The following CTNNA2 variants were observed in gnomAD, a reference collection of about 807,000 sequenced individuals.
CTNNA2 encodes catenin alpha 2, also known as catenin alpha-2.
In CTNNA2, 42 loss-of-function variants were observed where a neutral mutation model predicts 101.0. That is an observed-to-expected ratio of 0.42 (90% CI 0.32 to 0.54). The LOEUF (loss-of-function observed/expected upper bound fraction) is 0.54, where lower values mean the gene tolerates loss of function less well. CTNNA2 is among the 20% of genes least tolerant of loss of function. The probability of loss-of-function intolerance (pLI) is 0.14; values close to 1 mark genes in which losing one functional copy is unlikely to be tolerated. For synonymous variants in CTNNA2, 450 were observed against 456.4 expected (o/e 0.99, Z 0.18); for missense variants, 871 against 1,223.1 (o/e 0.71, Z 4.29).
intron 2 of CTNNA2, among the ~76,000 whole-genome samples, chr2:79,275,191 T>G (rs1225389422): frequency 2.0e-5 from 3 of 152,034 alleles, no homozygotes; most frequent in Admixed American, 6.6e-5. Flanking sequence ...GCTTAGTATT[T>G]CAAGCTGTGT....
At position 80,332,629 on chromosome 2, in the gene CTNNA2, C is replaced by T. The variant is rs569554198; in HGVS notation, c.1057-60582C>T. ...AAGGAAGGCCCCAGAAGAAGGTTGA[C>T]GAAAGAGAAAACATTTAAGAAATCA... On this transcript the variant is annotated intron_variant, in intron 7 of 18. Transcript: ENST00000402739. 1.6e-4 allele frequency among the ~76,000 whole-genome samples: 25 copies of T among 152,200 alleles called. No individual in the cohort carries two copies. In the East Asian group the frequency reaches 3.9e-3, roughly 24 times the overall value.
At chr2:79,416,577 T>C (rs1306321700) in intron 4 of CTNNA2, among the ~76,000 whole-genome samples, 1 of 152,100 alleles carries the variant, frequency 6.6e-6, no homozygotes, top group Non-Finnish European at 1.5e-5. Flanking sequence ...ATTTCAATCA[T>C]TGTATACTCA....
intron 3 of CTNNA2, among the ~76,000 whole-genome samples, chr2:79,826,921 C>T (rs563577924): frequency 7.2e-5 from 11 of 152,322 alleles, no homozygotes; most frequent in South Asian, 2.1e-4. Flanking sequence ...AAACTGGCTT[C>T]GGAGACACTG....
intron 7 of CTNNA2, among the ~76,000 whole-genome samples, chr2:80,046,467 C>T (rs1428095091): frequency 1.3e-5 from 2 of 152,154 alleles, no homozygotes; most frequent in Non-Finnish European, 2.9e-5. Flanking sequence ...CCCCAAATAG[C>T]TCTCTTCCTC....
chr2:79,974,543 A>G (rs1364810586), intron 7 of CTNNA2, among the ~76,000 whole-genome samples: 2 of 152,200 alleles, frequency 1.3e-5, no homozygotes, highest in Non-Finnish European at 2.9e-5. Flanking sequence ...TCAGTCTTCA[A>G]CATCATCCCT....
At chr2:79,394,183 T>C (rs1193225248) in intron 4 of CTNNA2, among the ~76,000 whole-genome samples, 1 of 152,072 alleles carries the variant, frequency 6.6e-6, no homozygotes, top group Non-Finnish European at 1.5e-5. Context: ...TTTGTTTTTA[T>C]TTGTTTGTTT....
intron 7 of CTNNA2, among the ~76,000 whole-genome samples, chr2:80,116,782 A>G (rs1701547596): frequency 1.3e-5 from 2 of 152,172 alleles, no homozygotes; most frequent in South Asian, 4.1e-4. Flanking sequence ...TGATCAGCCC[A>G]TCAGATAAGT....
intron 2 of CTNNA2, among the ~76,000 whole-genome samples, chr2:79,695,425 A>G (rs1037386791): frequency 3.9e-5 from 6 of 152,030 alleles, no homozygotes; most frequent in Non-Finnish European, 7.4e-5. Context: ...CAAAAGGAAC[A>G]GGAATTTATG....
chr2:79,268,646 G>T (rs371983281), intron 2 of CTNNA2, among the ~76,000 whole-genome samples: 1 of 152,100 alleles, frequency 6.6e-6, no homozygotes, highest in South Asian at 2.1e-4. Flanking sequence ...CTCAACCTGT[G>T]GGATCTGATG....
At chr2:79,978,821 A>G (rs1691051319) in intron 7 of CTNNA2, among the ~76,000 whole-genome samples, 1 of 152,204 alleles carries the variant, frequency 6.6e-6, no homozygotes, top group South Asian at 2.1e-4. Flanking sequence ...CATTAACAAT[A>G]AGAGCTAACA....
At chr2:79,506,820 AT>A (rs1671423145) in intron 5 of CTNNA2, among the ~76,000 whole-genome samples, 1 of 152,148 alleles carries the variant, frequency 6.6e-6, no homozygotes, top group Non-Finnish European at 1.5e-5. Flanking sequence ...AAATATTTTG[AT>A]TGCCAGGCAC....
At chr2:79,938,797 A>G (rs1687955973) in intron 7 of CTNNA2, among the ~76,000 whole-genome samples, 1 of 152,214 alleles carries the variant, frequency 6.6e-6, no homozygotes, top group Non-Finnish European at 1.5e-5. Flanking sequence ...TTCATTGCCA[A>G]ATAGTACTCA....
At chr2:80,582,537 T>C (rs772421558) in intron 14 of CTNNA2, among the ~76,000 whole-genome samples, 43 of 152,118 alleles carry the variant, frequency 2.8e-4, no homozygotes, top group Non-Finnish European at 4.9e-4. Context: ...CTAAAGAGCA[T>C]CCTAAATTTG....
intron 7 of CTNNA2, among the ~76,000 whole-genome samples, chr2:80,391,517 A>G (rs1343993930): frequency 6.6e-6 from 1 of 152,246 alleles, no homozygotes; most frequent in African/African-American, 2.4e-5. Flanking sequence ...CTAATAAATG[A>G]ATAGGCCACA....
intron 4 of CTNNA2, among the ~76,000 whole-genome samples, chr2:79,474,055 C>G (rs1671027689): frequency 6.6e-6 from 1 of 152,050 alleles, no homozygotes; most frequent in South Asian, 2.1e-4. Context: ...CTAGTGACTA[C>G]TTTTTTAGAC....
At chr2:80,178,760 G>C (rs1011595514) in intron 7 of CTNNA2, among the ~76,000 whole-genome samples, 2 of 152,154 alleles carry the variant, frequency 1.3e-5, no homozygotes, top group African/African-American at 2.4e-5. Flanking sequence ...TGTAGGAGGG[G>C]CCAAATGCAG....
At chr2:79,597,801 A>G (rs945037899) in intron 1 of CTNNA2, among the ~76,000 whole-genome samples, 8 of 152,148 alleles carry the variant, frequency 5.3e-5, no homozygotes, top group Non-Finnish European at 1.0e-4. Context: ...CATCCAAGAT[A>G]CATAGTTTAC....
At chr2:79,730,168 G>T (rs989751814) in intron 2 of CTNNA2, among the ~76,000 whole-genome samples, 1 of 152,002 alleles carries the variant, frequency 6.6e-6, no homozygotes, top group African/African-American at 2.4e-5. Flanking sequence ...ATGACTTCTG[G>T]CAGGCAAATT....
intron 7 of CTNNA2, among the ~76,000 whole-genome samples, chr2:80,205,174 C>T (rs572518189): frequency 6.6e-6 from 1 of 152,226 alleles, no homozygotes; most frequent in African/African-American, 2.4e-5. Context: ...TTCTGACATC[C>T]TGGACAATTA....
Sources: gnomAD v4.1 joint callset for allele counts (sites outside exome capture counted in the v4.1 genomes callset) on GRCh38, gnomAD v4.1.1 for gene constraint, MANE v1.5 for transcripts, NCBI Gene and HGNC (gene_info 2026-07-23, HGNC 2026-07-21) for gene names.